Variants in TET1 observed in about 807,000 individuals in gnomAD.
The protein encoded by TET1 is tet methylcytosine dioxygenase 1.
TET1 carries 13 observed loss-of-function variants against 148.7 expected under a neutral mutation model. That is an observed-to-expected ratio of 0.09 (90% CI 0.06 to 0.14). TET1 has a LOEUF of 0.14. Ranked by LOEUF, TET1 falls within the 10% of genes least tolerant of loss-of-function variation. TET1 has a pLI of 1.00. For synonymous variants in TET1, 907 were observed against 937.2 expected (o/e 0.97, Z 0.59); for missense variants, 2,182 against 2,553.8 (o/e 0.85, Z 3.14).
intron 3 of TET1, among the ~76,000 whole-genome samples, chr10:68,624,797 T>TCTCA (rs1170536546): frequency 6.7e-6 from 1 of 150,294 alleles, no homozygotes; most frequent in Non-Finnish European, 1.5e-5. Flanking sequence ...AGTGGCGCAA[T>TCTCA]CTCAGCTCAC....
At chr10:68,620,127 G>A (rs562449737) in intron 3 of TET1, among the ~76,000 whole-genome samples, 7 of 152,288 alleles carry the variant, frequency 4.6e-5, no homozygotes, top group East Asian at 3.9e-4. Flanking sequence ...CACAGGAGGC[G>A]GAGATTGCAG....
At chr10:68,640,245 G>A (rs1012486916) in intron 3 of TET1, among the ~76,000 whole-genome samples, 2 of 149,310 alleles carry the variant, frequency 1.3e-5, no homozygotes, top group South Asian at 2.1e-4. Context: ...ATTTTATAGC[G>A]GAAGACTTTC....
Position 68,646,457 on chromosome 10 carries a change from A to C in TET1, c.3728A>C (p.Lys1243Thr). The stretch of plus-strand genomic sequence containing the variant: ...GTATTTCCACCACTCACTCAGATAA[A>C]ATTACAGAGATATCCTGAATCAGCA... ...KTVFPPLTQIKLQRYPESAEE... is the reference protein window; with the variant it reads ...KTVFPPLTQITLQRYPESAEE... The change falls in exon 4 of 12, where the codon AAA (lysine) becomes ACA (threonine). Residue 1243 changes from lysine to threonine, a missense_variant. Physicochemically the swap from Lys to Thr is moderately conservative, Grantham distance 78. This residue lies in a region of TET1 where 582 missense variants were observed against 599.5 expected (regional missense o/e 0.97). Transcript: ENST00000373644. The C allele has an allele frequency of 6.2e-7, 1 of 1,614,170 alleles. No individual in the cohort carries two copies.
At chr10:68,580,469 T>C (rs1355170415) in intron 2 of TET1, among the ~76,000 whole-genome samples, 1 of 150,640 alleles carries the variant, frequency 6.6e-6, no homozygotes, top group African/African-American at 2.4e-5. Flanking sequence ...CAGGCACATG[T>C]CTGGCCAACT....
Position 68,596,025 on chromosome 10 carries a change from C to CAT in TET1, c.1915-4955_1915-4954insTA, listed in dbSNP as rs1270482577. ...ACACACACACACACACACACACACA[C>CAT]ACATATATATATATATATACACATT... On this transcript the variant is annotated intron_variant, in intron 2 of 11. Transcript: ENST00000373644. Among the ~76,000 whole-genome samples, 304 of 55,986 alleles carry CAT rather than the reference C, an allele frequency of 5.4e-3. 1 individual carries two copies. The highest frequency in any genetic ancestry group is 0.024 in the Middle Eastern group (2 of 82). 36.7% of individuals were successfully genotyped at this position (55,986 alleles called of 152,430 possible).
At chr10:68,688,593 C>G (rs914340972) in intron 11 of TET1, among the ~76,000 whole-genome samples, 1 of 152,036 alleles carries the variant, frequency 6.6e-6, no homozygotes, top group Non-Finnish European at 1.5e-5. Context: ...CGCCACCACG[C>G]CTGGCTAATT....
intron 3 of TET1, among the ~76,000 whole-genome samples, chr10:68,601,874 G>C (rs541158889): frequency 6.9e-6 from 1 of 145,976 alleles, no homozygotes; most frequent in African/African-American, 2.4e-5. Flanking sequence ...TAATTATTTT[G>C]TGTACATTTA....
chr10:68,686,831 A>C (rs932711484), intron 11 of TET1, 124 bp downstream of exon 11: 37 of 888,004 alleles, frequency 4.2e-5, no homozygotes, highest in South Asian at 3.5e-4. Context: ...CATATACCAG[A>C]ACCAAAAGTC....
At chr10:68,589,228 A>T (rs989287165) in intron 2 of TET1, among the ~76,000 whole-genome samples, 2 of 151,930 alleles carry the variant, frequency 1.3e-5, no homozygotes, top group African/African-American at 4.8e-5. Flanking sequence ...TCACTCTCCT[A>T]TTCCTTCAAG....
chr10:68,637,961 GT>G (rs1323318861), intron 3 of TET1, among the ~76,000 whole-genome samples: 1 of 151,884 alleles, frequency 6.6e-6, no homozygotes, highest in East Asian at 1.9e-4. Context: ...TGTAGTTTTC[GT>G]AGAGCCAGGG....
At chr10:68,673,954 C>CTTTT (rs1564504838) in intron 8 of TET1, among the ~76,000 whole-genome samples, 1 of 78,824 alleles carries the variant, frequency 1.3e-5, no homozygotes, top group Non-Finnish European at 2.6e-5. Context: ...TTTTCTTTTT[C>CTTTT]TTTTTCTTTT....
At chr10:68,625,473 G>A (rs12413410) in intron 3 of TET1, among the ~76,000 whole-genome samples, 22,591 of 152,066 alleles carry the variant, frequency 0.15, 2,008 homozygotes, top group Admixed American at 0.24. Flanking sequence ...GCTTAAAAGC[G>A]GGTCACAAAA....
intron 1 of TET1, among the ~76,000 whole-genome samples, chr10:68,563,943 G>A (rs2488037): frequency 0.99 from 150,191 of 152,290 alleles, 74,098 homozygotes; most frequent in Middle Eastern, 1. Context: ...CGGCCTCCCA[G>A]AATGCTTAGA....
intron 3 of TET1, among the ~76,000 whole-genome samples, chr10:68,642,282 A>C (rs113711517): frequency 1.3e-5 from 2 of 152,276 alleles, no homozygotes; most frequent in African/African-American, 4.8e-5. Context: ...GGAAAAATAT[A>C]AATTAACCAG....
chr10:68,682,104 T>TTC (rs1389013236), intron 9 of TET1, among the ~76,000 whole-genome samples: 4 of 112,476 alleles, frequency 3.6e-5, no homozygotes, highest in Non-Finnish European at 7.6e-5. Flanking sequence ...TTTTTTTTTT[T>TTC]TTTTTTTTTT....
At chr10:68,588,063 A>G (rs1026319866) in intron 2 of TET1, among the ~76,000 whole-genome samples, 3 of 152,044 alleles carry the variant, frequency 2.0e-5, no homozygotes, top group Non-Finnish European at 2.9e-5. Flanking sequence ...GGGTTTCACC[A>G]TGTTGGTCAG....
At position 68,660,328 on chromosome 10, in the gene TET1, TTTC is replaced by T. The variant is rs756837026; in HGVS notation, c.4462-6702_4462-6700del. On this transcript the variant is annotated intron_variant, in intron 6 of 11. Coordinates refer to ENST00000373644, the MANE Select transcript of TET1 (RefSeq NM_030625.3). ...ATTTAACTTTTTTTTACTTTTTTCT[TTTC>T]TTCTTCTTCTTCTTTTTTTTTTTTT... 6.8e-3 allele frequency among the ~76,000 whole-genome samples: 1,026 copies of T among 150,004 alleles called. 7 individuals are homozygous for T. The highest frequency in any genetic ancestry group is 0.024 in the African/African-American group (948 of 40,088).
At chr10:68,671,936 G>A (rs9919477) in intron 7 of TET1, among the ~76,000 whole-genome samples, 24,146 of 152,014 alleles carry the variant, frequency 0.16, 2,210 homozygotes, top group African/African-American at 0.23. Flanking sequence ...TAGAGATGGG[G>A]TTTCCCCATG....
At chr10:68,659,010 T>C (rs1024390102) in intron 6 of TET1, among the ~76,000 whole-genome samples, 2 of 152,168 alleles carry the variant, frequency 1.3e-5, no homozygotes, top group African/African-American at 4.8e-5. Flanking sequence ...GGCAGATCAC[T>C]TGAGACCAGG....
Sources: gnomAD v4.1 joint callset for allele counts (sites outside exome capture counted in the v4.1 genomes callset) on GRCh38, gnomAD v4.1.1 for gene constraint, gnomAD v4.1.1 regional missense constraint, MANE v1.5 for transcripts, NCBI Gene and HGNC (gene_info 2026-07-23, HGNC 2026-07-21) for gene names.